Variants in SHLD1 observed in about 807,000 individuals in gnomAD.
SHLD1 encodes shieldin complex subunit 1.
SHLD1 carries 3 observed loss-of-function variants against 5.5 expected under a neutral mutation model. The observed-to-expected ratio is 0.54, with a 90% CI of 0.25 to 1.40. SHLD1 has a LOEUF of 1.40. Ranked by LOEUF, SHLD1 falls within the 40% of genes most tolerant of loss-of-function variation. The pLI, the probability that SHLD1 is intolerant of heterozygous loss-of-function variation, is 0.15. For synonymous variants in SHLD1, 92 were observed against 94.3 expected (o/e 0.98, Z 0.14); for missense variants, 210 against 244.4 (o/e 0.86, Z 0.94).
chr20:5,791,515 A>C (rs1353826552), intron 2 of SHLD1, among the ~76,000 whole-genome samples: 1 of 148,404 alleles, frequency 6.7e-6, no homozygotes, highest in African/African-American at 2.5e-5. Context: ...AGTGAGCCAT[A>C]ATTGCACCAC....
chr20:5,754,580 G>A (rs1015924831), intron 1 of SHLD1, among the ~76,000 whole-genome samples: 6 of 152,252 alleles, frequency 3.9e-5, no homozygotes, highest in South Asian at 2.1e-4. Context: ...ACCATGGCCC[G>A]TAACACAGCA....
chr20:5,851,040 T>C (rs2088002282), intron 2 of SHLD1, among the ~76,000 whole-genome samples: 1 of 152,166 alleles, frequency 6.6e-6, no homozygotes, highest in Non-Finnish European at 1.5e-5. Flanking sequence ...GACCAACTAG[T>C]ATGGACGTCT....
intron 2 of SHLD1, among the ~76,000 whole-genome samples, chr20:5,835,355 T>C (rs550790774): frequency 6.6e-6 from 1 of 152,350 alleles, no homozygotes; most frequent in Admixed American, 6.5e-5. Context: ...CATCACACTG[T>C]GCCAGGAGAC....
At chr20:5,761,193 G>A (rs1417302161) in intron 1 of SHLD1, among the ~76,000 whole-genome samples, 3 of 152,004 alleles carry the variant, frequency 2.0e-5, no homozygotes, top group African/African-American at 7.2e-5. Context: ...ACTCATAAGT[G>A]GGAGTTGAAC....
intron 1 of SHLD1, among the ~76,000 whole-genome samples, chr20:5,765,763 C>A (rs993900459): frequency 7.2e-5 from 9 of 125,154 alleles, no homozygotes; most frequent in East Asian, 2.6e-4. Flanking sequence ...TTTATACGCA[C>A]AAATCCTTTT....
chr20:5,853,300 G>A lies in SHLD1; in HGVS notation c.179-9724G>A, dbSNP rs1323581633. Among the ~76,000 whole-genome samples, 3 of 152,098 alleles carry A rather than the reference G, an allele frequency of 2.0e-5. No homozygotes were observed. In the East Asian group the frequency reaches 5.8e-4, roughly 29 times the overall value. ...ATCTCTACTAAAAATACAAAAATTA[G>A]CTGGGTGTGATGGTGCACGCCTGCA... is the stretch of plus-strand genomic sequence containing the variant. On this transcript the variant is annotated intron_variant, in intron 2 of 2. Coordinates refer to ENST00000303142, the MANE Select transcript of SHLD1 (RefSeq NM_152504.4).
chr20:5,771,816 C>A, intron 1 of SHLD1: 1 of 221,126 alleles, frequency 4.5e-6, no homozygotes, highest in South Asian at 4.4e-5. Flanking sequence ...TCTTAGTAGC[C>A]TAGGCATATG....
chr20:5,816,411 G>C (rs561406405), intron 2 of SHLD1, among the ~76,000 whole-genome samples: 7 of 152,268 alleles, frequency 4.6e-5, no homozygotes, highest in Admixed American at 2.0e-4. Context: ...AAAAATAAAA[G>C]GTTGCTTTCT....
intron 2 of SHLD1, among the ~76,000 whole-genome samples, chr20:5,847,368 C>T (rs990803524): frequency 1.3e-5 from 2 of 152,058 alleles, no homozygotes; most frequent in African/African-American, 4.8e-5. Context: ...AAGCCGATGC[C>T]GTGAGGGTTG....
chr20:5,836,909 A>T (rs2087795896), intron 2 of SHLD1, among the ~76,000 whole-genome samples: 1 of 152,232 alleles, frequency 6.6e-6, no homozygotes, highest in Non-Finnish European at 1.5e-5. Flanking sequence ...ACTTAAAAGA[A>T]ACAGAGACAA....
chr20:5,767,880 T>C (rs1984931072), intron 1 of SHLD1, among the ~76,000 whole-genome samples: 1 of 152,160 alleles, frequency 6.6e-6, no homozygotes, highest in African/African-American at 2.4e-5. Flanking sequence ...AGCCAGGCCT[T>C]CCCAGAGCTG....
At chr20:5,850,518 T>A (rs2087994596) in intron 2 of SHLD1, among the ~76,000 whole-genome samples, 1 of 151,068 alleles carries the variant, frequency 6.6e-6, no homozygotes, top group African/African-American at 2.4e-5. Context: ...TTAATTTTTT[T>A]TTTTTTTTTT....
At chr20:5,787,468 T>C (rs550415417) in intron 2 of SHLD1, among the ~76,000 whole-genome samples, 111 of 152,348 alleles carry the variant, frequency 7.3e-4, no homozygotes, top group African/African-American at 2.6e-3. Context: ...TTTGGTAACA[T>C]GCTTGAAGTT....
At chr20:5,859,400 A>G (rs1353919363) in intron 2 of SHLD1, among the ~76,000 whole-genome samples, 1 of 152,202 alleles carries the variant, frequency 6.6e-6, no homozygotes, top group Non-Finnish European at 1.5e-5. Context: ...GCACTTTGCA[A>G]TCCCTGACAC....
chr20:5,775,922 G>GTTTTTTTTTTT (rs1391999872), intron 2 of SHLD1, among the ~76,000 whole-genome samples: 14 of 63,442 alleles, frequency 2.2e-4, no homozygotes, highest in South Asian at 8.7e-4. Flanking sequence ...GTCAGCTCAG[G>GTTTTTTTTTTT]ATTTTTTTTT....
chr20:5,845,748 A>G (rs978415051), intron 2 of SHLD1, among the ~76,000 whole-genome samples: 3 of 152,166 alleles, frequency 2.0e-5, no homozygotes, highest in Non-Finnish European at 4.4e-5. Context: ...AACAGTTTCT[A>G]AAAAGGAGAT....
chr20:5,800,702 AG>A (rs1397314963), intron 2 of SHLD1, among the ~76,000 whole-genome samples: 2 of 151,870 alleles, frequency 1.3e-5, no homozygotes, highest in Admixed American at 1.3e-4. Context: ...AAAAAAAAAA[AG>A]AATTTATGTA....
intron 2 of SHLD1, among the ~76,000 whole-genome samples, chr20:5,774,764 G>A (rs767166245): frequency 1.3e-5 from 2 of 152,248 alleles, no homozygotes; most frequent in South Asian, 2.1e-4. Flanking sequence ...CTCCCACCAG[G>A]CCCCACTTCC....
At chr20:5,772,190 T>C (rs897277283) in intron 1 of SHLD1, 1 of 454,718 alleles carries the variant, frequency 2.2e-6, no homozygotes, top group Non-Finnish European at 4.4e-6. Flanking sequence ...TTTACCTTTT[T>C]GCCTAAAGAA....
Sources: allele counts gnomAD v4.1 joint callset (sites outside exome capture counted in the v4.1 genomes callset), GRCh38; gene constraint gnomAD v4.1.1; transcripts MANE v1.5; gene names NCBI Gene and HGNC (gene_info 2026-07-23, HGNC 2026-07-21).